Variants in RBL1 observed in about 807,000 individuals in gnomAD.
RBL1 encodes retinoblastoma-like protein 1.
Under a neutral mutation model 123.0 loss-of-function variants are expected in RBL1, and 82 were observed. The observed-to-expected ratio is 0.67, with a 90% CI of 0.56 to 0.80. RBL1 has a LOEUF of 0.80. Ranked by LOEUF, RBL1 falls within the 30% of genes least tolerant of loss-of-function variation. The pLI is 0.00. For synonymous variants in RBL1, 405 were observed against 441.3 expected (o/e 0.92, Z 1.03); for missense variants, 1,171 against 1,299.6 (o/e 0.90, Z 1.52).
At chr20:37,031,417 T>C (rs904544093) in intron 16 of RBL1, among the ~76,000 whole-genome samples, 2 of 152,058 alleles carry the variant, frequency 1.3e-5, no homozygotes, top group East Asian at 1.9e-4. Flanking sequence ...AATGAAGATA[T>C]ATAGATGGGC....
intron 11 of RBL1, among the ~76,000 whole-genome samples, chr20:37,051,455 ACAGGGGT>A (rs2064911586): frequency 1.3e-5 from 2 of 152,212 alleles, no homozygotes; most frequent in African/African-American, 4.8e-5. Context: ...TGTTGGGATT[ACAGGGGT>A]AAGCCACAGC....
rs1287398088 is a variant in RBL1 at position 37,019,476 on chromosome 20, T to C, written c.2632-1107A>G. ...TCTTCAAGGACAATCTAGAGCTTTCTAGGCTCTGTTCCTGAGGGATTTTCC... is the reference window on the plus strand; with the variant it reads ...TCTTCAAGGACAATCTAGAGCTTTCCAGGCTCTGTTCCTGAGGGATTTTCC... On this transcript the variant is annotated intron_variant, in intron 18 of 21. Coordinates refer to ENST00000373664, the MANE Select transcript of RBL1 (RefSeq NM_002895.5). Among the ~76,000 whole-genome samples, 4 of 152,220 alleles carry C rather than the reference T, an allele frequency of 2.6e-5. No individual in the cohort carries two copies. The East Asian group carries it at 5.8e-4, about 22-fold the overall frequency.
In RBL1 at chr20:36,997,430, A is replaced by G. The variant is rs929663507; in HGVS notation, c.*1329T>C. 1.3e-5 allele frequency: 2 copies of G among 152,204 alleles called. No homozygotes were observed. Among genetic ancestry groups the G allele is most frequent in the Non-Finnish European group, 2.9e-5 (2 of 68,036 alleles). The allele number at this position is 152,204 out of a possible 1,614,324, so 9.4% of individuals were successfully genotyped here. A position where few individuals can be genotyped will look rare whatever the true frequency, so the allele number is the denominator to read the frequency against. On this transcript the variant is annotated 3_prime_UTR_variant, in exon 22 of 22. Transcript: ENST00000373664. Reference sequence around the variant, plus strand: ...GTGGTCAAACACTAGCAGGAAACTCATGATGCACTAACAATACTGAGAACA... The same window carrying G: ...GTGGTCAAACACTAGCAGGAAACTCGTGATGCACTAACAATACTGAGAACA...
Position 37,040,305 on chromosome 20 carries a change from T to C in RBL1, c.1771-20A>G, listed in dbSNP as rs1600512983. 2.5e-6 allele frequency: 4 copies of C among 1,607,606 alleles called. No homozygotes were observed. Among genetic ancestry groups the C allele is most frequent in the Non-Finnish European group, 3.4e-6 (4 of 1,178,156 alleles). ...TATAACCTGTAGAAAACAAAAACCC[T>C]TTGATTTACATATAGATAAACTTGC... On this transcript the variant is annotated intron_variant, in intron 13 of 21. Coordinates refer to ENST00000373664, the MANE Select transcript of RBL1 (RefSeq NM_002895.5).
At chr20:37,054,513 T>G (rs1366881878) in intron 11 of RBL1, among the ~76,000 whole-genome samples, 1 of 150,750 alleles carries the variant, frequency 6.6e-6, no homozygotes, top group East Asian at 2.0e-4. Context: ...TTAAAAAAAT[T>G]AAAATAAATA....
chr20:37,089,224 T>C, intron 1 of RBL1, 102 bp from the exon 2 acceptor site: 1 of 1,206,940 alleles, frequency 8.3e-7, no homozygotes, highest in South Asian at 1.9e-5. Flanking sequence ...CAATTTTCCT[T>C]ATGTAGATAA....
At chr20:37,059,962 C>T (rs941463346) in intron 9 of RBL1, among the ~76,000 whole-genome samples, 2 of 151,728 alleles carry the variant, frequency 1.3e-5, no homozygotes, top group East Asian at 1.9e-4. Context: ...CATCTGAGGT[C>T]GGGAGTTTGA....
At chr20:37,079,660 G>A (rs963714538) in intron 2 of RBL1, among the ~76,000 whole-genome samples, 1 of 151,736 alleles carries the variant, frequency 6.6e-6, no homozygotes, top group Non-Finnish European at 1.5e-5. Flanking sequence ...TTTTTGTAGA[G>A]ACTAAAAAGT....
chr20:37,024,083 C>T (rs2064385254), intron 16 of RBL1, among the ~76,000 whole-genome samples: 1 of 151,924 alleles, frequency 6.6e-6, no homozygotes, highest in Non-Finnish European at 1.5e-5. Flanking sequence ...CTGCGCCTGG[C>T]CCAAACTATG....
chr20:37,074,362 C>A (rs1476938884), intron 2 of RBL1, among the ~76,000 whole-genome samples: 4 of 144,326 alleles, frequency 2.8e-5, no homozygotes, highest in Admixed American at 1.4e-4. Context: ...TGCAGTGAGC[C>A]ATGATTGCGC....
chr20:37,026,411 T>C (rs182445070), intron 16 of RBL1, among the ~76,000 whole-genome samples: 2 of 151,920 alleles, frequency 1.3e-5, no homozygotes, highest in African/African-American at 2.4e-5. Context: ...AAAAAGGACA[T>C]ATAAAAAATT....
chr20:37,068,170 TA>T lies in RBL1; in HGVS notation c.306del (p.Phe102LeufsTer4). 6.3e-7 allele frequency: 1 copy of T among 1,579,560 alleles called. No homozygotes were observed. Among genetic ancestry groups the T allele is most frequent in the Non-Finnish European group, 8.6e-7 (1 of 1,167,590 alleles). On this transcript the variant is annotated frameshift_variant, in exon 3 of 22. Coordinates refer to ENST00000373664, the MANE Select transcript of RBL1 (RefSeq NM_002895.5). LOFTEE classifies it high-confidence loss of function. ...ATGTCCATCCATTTCTTCATTTTAC[TA>T]AAAAATTGTATTAAACTAAAAAAAA... Reference protein sequence around the residue: ...RSAKLSLIQFFSKMKKWMDMS... With the variant: ...RSAKLSLIQFXSKMKKWMDMS...
intron 9 of RBL1, among the ~76,000 whole-genome samples, chr20:37,059,186 G>A (rs2065057361): frequency 6.6e-6 from 1 of 152,176 alleles, no homozygotes; most frequent in Non-Finnish European, 1.5e-5. Flanking sequence ...AAATGATATG[G>A]AAGGTAGATC....
chr20:37,088,862 CA>C, intron 2 of RBL1, 126 bp downstream of exon 2: 2 of 635,384 alleles, frequency 3.1e-6, no homozygotes, highest in South Asian at 1.5e-4. Flanking sequence ...GACTGCGTCT[CA>C]AAAATAAATA....
intron 1 of RBL1, 100 bp from the exon 2 acceptor site, chr20:37,089,222 C>T: frequency 8.2e-7 from 1 of 1,220,508 alleles, no homozygotes; most frequent in Non-Finnish European, 1.1e-6. Flanking sequence ...CTCAATTTTC[C>T]TTATGTAGAT....
chr20:37,077,787 GAAAAAAAAAA>G (rs147186219), intron 2 of RBL1, among the ~76,000 whole-genome samples: 13 of 117,942 alleles, frequency 1.1e-4, no homozygotes, highest in African/African-American at 4.1e-4. Flanking sequence ...TCTATTTTCT[GAAAAAAAAAA>G]AAAAAAATTC....
At chr20:37,037,931 C>T (rs6103359) in intron 14 of RBL1, among the ~76,000 whole-genome samples, 2,404 of 151,252 alleles carry the variant, frequency 0.016, 63 homozygotes, top group African/African-American at 0.054. Flanking sequence ...GTGATCTGCC[C>T]GCCTCGGCCT....
rs377541624 is a variant in RBL1, at chr20:37,095,604, T to C, written c.156+169A>G. On this transcript the variant is annotated intron_variant, in intron 1 of 21. Transcript: ENST00000373664. ...GCTTCAGTTTCCCGCCTCAAAATGATGGGTGGATTGGCTGAGCTACACCCA... is the reference window on the plus strand; with the variant it reads ...GCTTCAGTTTCCCGCCTCAAAATGACGGGTGGATTGGCTGAGCTACACCCA... Among the ~76,000 whole-genome samples the C allele has an allele frequency of 8.5e-5, 13 of 152,262 alleles. No homozygotes were observed. In the East Asian group the frequency reaches 2.5e-3, roughly 29 times the overall value.
At chr20:37,029,765 C>T (rs1029236467) in intron 16 of RBL1, among the ~76,000 whole-genome samples, 10 of 152,164 alleles carry the variant, frequency 6.6e-5, no homozygotes, top group Non-Finnish European at 1.5e-5. Context: ...AATACAACAA[C>T]ATCTCTTGTG....
Sources: gnomAD v4.1 joint callset for allele counts (sites outside exome capture counted in the v4.1 genomes callset) on GRCh38, gnomAD v4.1.1 for gene constraint, MANE v1.5 for transcripts, NCBI Gene and HGNC (gene_info 2026-07-23, HGNC 2026-07-21) for gene names.